The following MBD6 variants were observed in gnomAD, a reference collection of about 807,000 sequenced individuals.
MBD6 encodes methyl-CpG binding domain protein 6.
In MBD6, 22 loss-of-function variants were observed where a neutral mutation model predicts 66.8. The ratio of observed to expected loss-of-function variants is 0.33; its 90% CI spans 0.24 to 0.47. The LOEUF is 0.47. Among genes scored for constraint, MBD6 ranks in the 20% least tolerant of loss-of-function variants. The pLI is 1.00. For synonymous variants in MBD6, 540 were observed against 534.6 expected (o/e 1.01, Z -0.14); for missense variants, 1,322 against 1,286.9 (o/e 1.03, Z -0.42).
rs1355706044 is a variant in MBD6, at chr12:57,526,941, T to A, written c.1796T>A (p.Val599Glu). 1.2e-6 allele frequency: 2 copies of A among 1,613,586 alleles called. No individual in the cohort carries two copies. The highest frequency in any genetic ancestry group is 4.5e-5 in the East Asian group (2 of 44,858). ...PGEPEGPSLLVASLLPPPPSD... is the reference protein window; with the variant it reads ...PGEPEGPSLLEASLLPPPPSD... ...GAGCCTGAAGGGCCTTCGCTTTTGG[T>A]GGCTTCCTTGCTTCCTCCACCACCC... is the stretch of plus-strand genomic sequence containing the variant. Residue 599 changes from valine to glutamate, a missense_variant, in exon 7 of 13, where the codon GTG becomes GAG. Coordinates refer to ENST00000355673, the MANE Select transcript of MBD6 (RefSeq NM_052897.4).
intron 7 of MBD6, 38 bp from the exon 8 acceptor site, chr12:57,527,469 T>G: frequency 6.2e-7 from 1 of 1,609,158 alleles, no homozygotes; most frequent in Non-Finnish European, 8.5e-7. Flanking sequence ...GTTGAGTATT[T>G]TACACGCGTA....
At chr12:57,523,905 C>A in intron 1 of MBD6, 124 bp from the exon 2 acceptor site, 1 of 155,540 alleles carries the variant, frequency 6.4e-6, no homozygotes, top group Non-Finnish European at 1.4e-5. Flanking sequence ...AGCAGATCCC[C>A]GAGATCTTTA....
chr12:57,528,011 T>C lies in MBD6; in HGVS notation c.2400T>C (p.Ser800=). The change falls in exon 9 of 13, where the codon AGT becomes AGC. Residue 800 remains serine (S), a synonymous_variant. Coordinates refer to ENST00000355673, the MANE Select transcript of MBD6 (RefSeq NM_052897.4). ...GTCCCCTAGCCTGCCTGCTACAGAG[T>C]CTCCAGGTGAGGGTGTGGGCATATA... ...ASSPLACLLQ[S]LQIPPEQPEA... is the part of the protein sequence containing the mutation. 1 of 1,535,106 alleles carries C rather than the reference T, an allele frequency of 6.5e-7. No individual in the cohort carries two copies. The highest frequency in any genetic ancestry group is 1.4e-5 in the African/African-American group (1 of 71,770).
In MBD6 at chr12:57,524,716, G is replaced by T. The variant is rs763321312; in HGVS notation, c.114-4G>T. 6.2e-7 allele frequency: 1 copy of T among 1,613,964 alleles called. No individual in the cohort carries two copies. Among genetic ancestry groups the T allele is most frequent in the Non-Finnish European group, 8.5e-7 (1 of 1,179,914 alleles). ...CCATGTCCTCTGACCCTGTCCTCTC[G>T]CAGTCCAAGTGGCACAGAGCTGTCT... On this transcript the variant is annotated splice_region_variant and splice_polypyrimidine_tract_variant and intron_variant, in intron 3 of 12. Transcript: ENST00000355673.
chr12:57,528,048 G>C, intron 9 of MBD6, 31 bp downstream of exon 9: 1 of 1,528,796 alleles, frequency 6.5e-7, no homozygotes, highest in Non-Finnish European at 8.8e-7. Context: ...TTGTCAGGGA[G>C]ATAATTTTTT....
chr12:57,522,759 A>ACGGCGGCGGCGGCGGCGGCGGCGGCAG (rs765011540), upstream of MBD6: 2 of 153,606 alleles, frequency 1.3e-5, no homozygotes, highest in African/African-American at 4.9e-5. Flanking sequence ...TGCGGCAGCG[A>ACGGCGGCGGCGGCGGCGGCGGCGGCAG]CGGCGGCGGC....
chr12:57,526,119 C>T lies in MBD6; in HGVS notation c.1151C>T (p.Pro384Leu), dbSNP rs769581482. Residue 384 changes from proline to leucine, a missense_variant, in exon 6 of 13, where the codon CCT becomes CTT. Coordinates refer to ENST00000355673, the MANE Select transcript of MBD6 (RefSeq NM_052897.4). ...CTAGAAGGGAGAGGCCCTCAAACCCCTAGACGGAGCCGTCCTCGGGCCCCT... is the reference window on the plus strand; with the variant it reads ...CTAGAAGGGAGAGGCCCTCAAACCCTTAGACGGAGCCGTCCTCGGGCCCCT... ...RLLEGRGPQT[P>L]RRSRPRAPAP... The T allele has an allele frequency of 6.2e-7, 1 of 1,614,024 alleles. No homozygotes were observed. Among genetic ancestry groups the T allele is most frequent in the Non-Finnish European group, 8.5e-7 (1 of 1,180,024 alleles).
rs1326124627 is a variant in MBD6, at chr12:57,529,762, C to T, written c.*528C>T. On this transcript the variant is annotated 3_prime_UTR_variant, in exon 13 of 13. Transcript: ENST00000355673. ...TCAGGTTGCTCAAAGCACAGATCCTCTCTTACCCCGTCCCCAGGTTTGAAA... is the reference window on the plus strand; with the variant it reads ...TCAGGTTGCTCAAAGCACAGATCCTTTCTTACCCCGTCCCCAGGTTTGAAA... 6.4e-6 allele frequency: 1 copy of T among 156,794 alleles called. No individual in the cohort carries two copies. The highest frequency in any genetic ancestry group is 2.4e-5 in the African/African-American group (1 of 41,570). The allele number at this position is 156,794 out of a possible 1,614,324, so 9.7% of individuals were successfully genotyped here.
rs781275922 is a variant in MBD6, at chr12:57,528,692, T to C, written c.2847T>C (p.Ser949=). 5 of 1,614,066 alleles carry C rather than the reference T, an allele frequency of 3.1e-6. No individual in the cohort carries two copies. The African/African-American group carries it at 4.0e-5, about 13-fold the overall frequency. The change falls in exon 11 of 13, where the codon TCT becomes TCC. Residue 949 remains serine, a synonymous_variant. Transcript: ENST00000355673. ...TGCCCCCGGGAGTAGTCAGAAAGTC[T>C]CGTCGTGGCCGTAGGAGAAAATACA... ...LKVPPGVVRK[S]RRGRRRKYNP... is the part of the protein sequence containing the mutation.
chr12:57,526,765 C>T lies in MBD6; in HGVS notation c.1620C>T (p.Ala540=). The T allele has an allele frequency of 6.3e-7, 1 of 1,591,920 alleles. No individual in the cohort carries two copies. Among genetic ancestry groups the T allele is most frequent in the Non-Finnish European group, 8.6e-7 (1 of 1,166,502 alleles). The change falls in exon 7 of 13, where the codon GCC becomes GCT. Residue 540 remains alanine (A), a synonymous_variant. Coordinates refer to ENST00000355673, the MANE Select transcript of MBD6 (RefSeq NM_052897.4). ...CTGGCTTCCCTGGGATGCTTGGGGC[C>T]TTGCCTCTCCCTCTGAGTCTGGGGC... ...SGAGFPGMLG[A]LPLPLSLGQP...
chr12:57,524,526 T>C, intron 3 of MBD6, 110 bp downstream of exon 3: 1 of 1,118,272 alleles, frequency 8.9e-7, no homozygotes, highest in South Asian at 1.3e-5. Flanking sequence ...TCTCCTCTCT[T>C]CCCCTTCCTT....
chr12:57,521,771 G>C (rs1031069949), upstream of MBD6: 7 of 152,274 alleles, frequency 4.6e-5, no homozygotes, highest in African/African-American at 1.2e-4. Context: ...TGTGTGAGGA[G>C]CGCGGCACAG....
At position 57,524,066 on chromosome 12, in the gene MBD6, C is replaced by T. The variant is rs1052804412; in HGVS notation, c.-51C>T. ...CTGGTGGCCCCGGCTTTAGACTGGA[C>T]CCCACAATGTTTGCAGAGATGTTCA... On this transcript the variant is annotated 5_prime_UTR_variant, in exon 2 of 13. Coordinates refer to ENST00000355673, the MANE Select transcript of MBD6 (RefSeq NM_052897.4). 1.9e-5 allele frequency: 7 copies of T among 359,982 alleles called. No homozygotes were observed. In the South Asian group the frequency reaches 5.3e-4, roughly 27 times the overall value. 22.3% of individuals were successfully genotyped at this position (359,982 alleles called of 1,614,324 possible). A position where few individuals can be genotyped will look rare whatever the true frequency, so the allele number is the denominator to read the frequency against.
Position 57,529,257 on chromosome 12 carries a change from T to C in MBD6, c.*23T>C, listed in dbSNP as rs1236587528. 6.2e-7 allele frequency: 1 copy of C among 1,613,658 alleles called. No individual in the cohort carries two copies. The highest frequency in any genetic ancestry group is 8.5e-7 in the Non-Finnish European group (1 of 1,179,744). Reference sequence around the variant, plus strand: ...TAGCAGCCATACCTGGAGCTGGATCTGACCCTGATTGGGGAGAGCTGAGTG... The same window carrying C: ...TAGCAGCCATACCTGGAGCTGGATCCGACCCTGATTGGGGAGAGCTGAGTG... On this transcript the variant is annotated 3_prime_UTR_variant, in exon 13 of 13. Coordinates refer to ENST00000355673, the MANE Select transcript of MBD6 (RefSeq NM_052897.4).
At chr12:57,530,631 C>CTGTT (rs1270903247), downstream of MBD6, 8 of 1,427,706 alleles carry the variant, frequency 5.6e-6, no homozygotes, top group Non-Finnish European at 6.9e-6. Flanking sequence ...CCTATGTAAG[C>CTGTT]TGTTAACAGA....
At position 57,528,004 on chromosome 12, in the gene MBD6, T is replaced by G. The variant is rs745479615; in HGVS notation, c.2393T>G (p.Leu798Arg). 1.3e-6 allele frequency: 2 copies of G among 1,541,640 alleles called. No homozygotes were observed. The highest frequency in any genetic ancestry group is 1.7e-6 in the Non-Finnish European group (2 of 1,148,814). The part of the protein sequence containing the change: ...SEASSPLACL[L>R]QSLQIPPEQP... ...GCTTCTAGTCCCCTAGCCTGCCTGCTACAGAGTCTCCAGGTGAGGGTGTGG... is the reference window on the plus strand; with the variant it reads ...GCTTCTAGTCCCCTAGCCTGCCTGCGACAGAGTCTCCAGGTGAGGGTGTGG... Residue 798 changes from leucine to arginine, a missense_variant, in exon 9 of 13, where the codon CTA (leucine) becomes CGA (arginine). Leu to Arg is a moderately radical substitution (Grantham distance 102). Coordinates refer to ENST00000355673, the MANE Select transcript of MBD6 (RefSeq NM_052897.4).
At chr12:57,521,263 G>T (rs923811555), upstream of MBD6, 1 of 152,302 alleles carries the variant, frequency 6.6e-6, no homozygotes, top group African/African-American at 2.4e-5. Context: ...AGGAGTTCGA[G>T]ATCAGCCTGA....
intron 3 of MBD6, 71 bp downstream of exon 3, chr12:57,524,487 C>A: frequency 7.5e-7 from 1 of 1,334,468 alleles, no homozygotes; most frequent in Non-Finnish European, 1.0e-6. Context: ...CGTTTCTTCT[C>A]TCAGCTCAGC....
At chr12:57,524,220 T>C in intron 2 of MBD6, 60 bp from the exon 3 acceptor site, 1 of 1,084,530 alleles carries the variant, frequency 9.2e-7, no homozygotes, top group Admixed American at 2.6e-5. Context: ...TGGAGTCCTC[T>C]CTCAGGTACT....
Sources: gnomAD v4.1 joint callset for allele counts on GRCh38, gnomAD v4.1.1 for gene constraint, MANE v1.5 for transcripts, NCBI Gene and HGNC (gene_info 2026-07-23, HGNC 2026-07-21) for gene names.